The following ADAMTS3 variants were observed in gnomAD, a reference collection of about 807,000 sequenced individuals.
The protein encoded by ADAMTS3 is ADAM metallopeptidase with thrombospondin type 1 motif 3.
ADAMTS3 carries 73 observed loss-of-function variants against 129.0 expected under a neutral mutation model. The ratio of observed to expected loss-of-function variants is 0.57; its 90% CI spans 0.47 to 0.69. The LOEUF (loss-of-function observed/expected upper bound fraction) is 0.69. Ranked by LOEUF, ADAMTS3 falls within the 30% of genes least tolerant of loss-of-function variation. ADAMTS3 has a pLI of 0.00. For synonymous variants in ADAMTS3, 477 were observed against 510.8 expected (o/e 0.93, Z 0.89); for missense variants, 1,457 against 1,514.5 (o/e 0.96, Z 0.63).
chr4:72,529,920 A>T lies in ADAMTS3; in HGVS notation c.504+18558T>A, dbSNP rs190838201. Among the ~76,000 whole-genome samples the T allele has an allele frequency of 1.8e-4, 6 of 34,146 alleles. 1 individual carries two copies. Among genetic ancestry groups the T allele is most frequent in the South Asian group, 1.6e-3 (2 of 1,222 alleles). 22.4% of individuals were successfully genotyped at this position (34,146 alleles called of 152,430 possible). ...TTATATATAAATAATATATATTATA[A>T]ATATTATATAATATATTATATTTAT... On this transcript the variant is annotated intron_variant, in intron 3 of 21. Coordinates refer to ENST00000286657, the MANE Select transcript of ADAMTS3 (RefSeq NM_014243.3).
intron 3 of ADAMTS3, among the ~76,000 whole-genome samples, chr4:72,493,081 C>T (rs1719788270): frequency 6.6e-6 from 1 of 151,900 alleles, no homozygotes; most frequent in African/African-American, 2.4e-5. Context: ...TTTTTACATC[C>T]CTTCACTTTT....
chr4:72,448,061 T>C (rs1304264393), intron 3 of ADAMTS3, among the ~76,000 whole-genome samples: 1 of 151,722 alleles, frequency 6.6e-6, no homozygotes, highest in African/African-American at 2.4e-5. Flanking sequence ...GTATGCACTT[T>C]ATTACTCTCT....
chr4:72,389,165 C>T (rs367616087), intron 4 of ADAMTS3, among the ~76,000 whole-genome samples: 1 of 152,116 alleles, frequency 6.6e-6, no homozygotes. Context: ...TTTTAATATG[C>T]CAGCCAATGA....
At chr4:72,460,058 T>G (rs1313810895) in intron 3 of ADAMTS3, among the ~76,000 whole-genome samples, 1 of 151,474 alleles carries the variant, frequency 6.6e-6, no homozygotes, top group Admixed American at 6.6e-5. Flanking sequence ...GATTTTTAAA[T>G]TAGGAATTCC....
chr4:72,403,136 TC>T (rs1423955642), intron 4 of ADAMTS3, among the ~76,000 whole-genome samples: 1 of 152,088 alleles, frequency 6.6e-6, no homozygotes, highest in Non-Finnish European at 1.5e-5. Flanking sequence ...TCTTAATTTT[TC>T]CTTTGTTTTT....
At chr4:72,375,456 A>G (rs1349337447) in intron 4 of ADAMTS3, among the ~76,000 whole-genome samples, 4 of 152,186 alleles carry the variant, frequency 2.6e-5, no homozygotes, top group Admixed American at 6.5e-5. Context: ...GACAGAGCTT[A>G]AATGAGTAAC....
At chr4:72,468,405 C>G (rs540706406) in intron 3 of ADAMTS3, among the ~76,000 whole-genome samples, 3 of 152,018 alleles carry the variant, frequency 2.0e-5, no homozygotes, top group Non-Finnish European at 4.4e-5. Context: ...TGGCAAATAT[C>G]ATGCAAACAT....
intron 3 of ADAMTS3, among the ~76,000 whole-genome samples, chr4:72,532,491 G>GCACACACACACA (rs35399046): frequency 2.0e-5 from 3 of 148,792 alleles, no homozygotes; most frequent in African/African-American, 7.4e-5. Context: ...AATTTAATAT[G>GCACACACACACA]CACACACACA....
chr4:72,375,810 A>G (rs1316081483), intron 4 of ADAMTS3, among the ~76,000 whole-genome samples: 1 of 152,204 alleles, frequency 6.6e-6, no homozygotes, highest in Non-Finnish European at 1.5e-5. Context: ...ACTCCAAAGA[A>G]GAAAAATAAG....
intron 3 of ADAMTS3, among the ~76,000 whole-genome samples, chr4:72,496,980 A>G (rs59096704): frequency 0.033 from 4,960 of 152,024 alleles, 252 homozygotes; most frequent in African/African-American, 0.11. Flanking sequence ...TTTGCACAAT[A>G]ACAATTCTAA....
At position 72,306,048 on chromosome 4, in the gene ADAMTS3, A is replaced by G; in HGVS notation, c.2199T>C (p.Asp733=). Residue 733 remains aspartate (D), a synonymous_variant, in exon 16 of 22, where the codon GAT becomes GAC. Transcript: ENST00000286657. ...PRKLGYLKMF[D]IPPGARHVLI... ...ACACATGTCTAGCCCCAGGGGGTAT[A>G]TCAAACATCTTAAGGTACCCTTTGC... 4 of 1,607,270 alleles carry G rather than the reference A, an allele frequency of 2.5e-6. No individual in the cohort carries two copies. Among genetic ancestry groups the G allele is most frequent in the Non-Finnish European group, 3.4e-6 (4 of 1,177,158 alleles).
At chr4:72,388,728 T>G (rs1721508237) in intron 4 of ADAMTS3, among the ~76,000 whole-genome samples, 1 of 152,232 alleles carries the variant, frequency 6.6e-6, no homozygotes, top group Non-Finnish European at 1.5e-5. Flanking sequence ...ATAGATTTGA[T>G]GACTCCTTAG....
At chr4:72,328,695 TAA>T (rs71215423) in intron 5 of ADAMTS3, among the ~76,000 whole-genome samples, 2 of 151,724 alleles carry the variant, frequency 1.3e-5, no homozygotes, top group Non-Finnish European at 2.9e-5. Context: ...CTTGCAAATA[TAA>T]AAAAAAATTA....
intron 3 of ADAMTS3, among the ~76,000 whole-genome samples, chr4:72,463,698 CAAAAAAA>C (rs3034505): frequency 8.1e-6 from 1 of 123,356 alleles, no homozygotes. Flanking sequence ...CTAAAACAGG[CAAAAAAA>C]AAAAAAAAAA....
chr4:72,299,144 T>C (rs1487237407), intron 17 of ADAMTS3, among the ~76,000 whole-genome samples: 1 of 147,128 alleles, frequency 6.8e-6, no homozygotes, highest in Non-Finnish European at 1.5e-5. Context: ...TCATGTAACA[T>C]GCACATTTCT....
chr4:72,541,718 C>A (rs1205168540), intron 3 of ADAMTS3, among the ~76,000 whole-genome samples: 2 of 152,144 alleles, frequency 1.3e-5, no homozygotes, highest in Non-Finnish European at 2.9e-5. Context: ...AAGGGCAGTT[C>A]CCCTGCACAT....
chr4:72,480,492 C>A (rs1294038397), intron 3 of ADAMTS3, among the ~76,000 whole-genome samples: 2 of 150,506 alleles, frequency 1.3e-5, no homozygotes, highest in East Asian at 3.9e-4. Flanking sequence ...GGGAATTGAA[C>A]AATGAGAACA....
chr4:72,382,254 A>C (rs190064943), intron 4 of ADAMTS3, among the ~76,000 whole-genome samples: 1 of 151,020 alleles, frequency 6.6e-6, no homozygotes, highest in Admixed American at 6.6e-5. Flanking sequence ...ATATCTAATG[A>C]CTACATAGTA....
At chr4:72,560,398 C>A (rs1472861018) in intron 2 of ADAMTS3, among the ~76,000 whole-genome samples, 2 of 152,028 alleles carry the variant, frequency 1.3e-5, no homozygotes, top group African/African-American at 4.8e-5. Context: ...ATGTTCATTG[C>A]AGCACTATTC....
Sources: gnomAD v4.1 joint callset for allele counts (sites outside exome capture counted in the v4.1 genomes callset) on GRCh38, gnomAD v4.1.1 for gene constraint, MANE v1.5 for transcripts, NCBI Gene and HGNC (gene_info 2026-07-23, HGNC 2026-07-21) for gene names.